The following ROS1 variants were observed in gnomAD, a reference collection of about 807,000 sequenced individuals.
The protein encoded by ROS1 is proto-oncogene tyrosine-protein kinase ROS.
A neutral mutation model predicts 273.5 loss-of-function variants in ROS1; 263 were observed. The observed-to-expected ratio is 0.96, with a 90% CI of 0.87 to 1.06. The LOEUF is 1.06. Among genes scored for constraint, ROS1 ranks in the 50% least tolerant of loss-of-function variants. ROS1 has a pLI of 0.00. For synonymous variants in ROS1, 1,008 were observed against 954.1 expected, an observed-to-expected ratio of 1.06 and a Z score of -1.04; for missense variants, 2,833 against 2,751.1, an observed-to-expected ratio of 1.03 and a Z score of -0.67.
intron 38 of ROS1, among the ~76,000 whole-genome samples, chr6:117,317,613 A>G (rs1057368884): frequency 2.6e-5 from 4 of 152,156 alleles, no homozygotes; most frequent in Admixed American, 2.0e-4. Flanking sequence ...TATGAAATAT[A>G]TCCTCTCCCT....
At position 117,332,438 on chromosome 6, in the gene ROS1, A is replaced by G. The variant is rs146337315; in HGVS notation, c.5231-2992T>C. On this transcript the variant is annotated intron_variant, in intron 32 of 43. Coordinates refer to ENST00000368507, the MANE Select transcript of ROS1 (RefSeq NM_001378902.1). ...ACTGCCAGTATTAGACAGATCAACA[A>G]GACAGAAAATTAACAAGGATATTCA... Among the ~76,000 whole-genome samples the G allele has an allele frequency of 3.9e-3, 588 of 152,332 alleles. 5 individuals are homozygous for G. Among genetic ancestry groups the G allele is most frequent in the Middle Eastern group, 0.027 (8 of 294 alleles).
chr6:117,298,174 TAG>T (rs1774400814), intron 43 of ROS1, among the ~76,000 whole-genome samples: 1 of 144,488 alleles, frequency 6.9e-6, no homozygotes, highest in South Asian at 2.2e-4. Context: ...TGTGTACACA[TAG>T]ACTAGAGTAT....
intron 4 of ROS1, among the ~76,000 whole-genome samples, chr6:117,409,872 C>T (rs189990554): frequency 6.6e-6 from 1 of 152,132 alleles, no homozygotes; most frequent in Non-Finnish European, 1.5e-5. Context: ...AAACTTTTGA[C>T]CATGCTCCAT....
At chr6:117,304,625 T>A (rs1452092763) in intron 42 of ROS1, among the ~76,000 whole-genome samples, 1 of 152,206 alleles carries the variant, frequency 6.6e-6, no homozygotes, top group Non-Finnish European at 1.5e-5. Context: ...AACTGAGACA[T>A]GAAACTATCC....
chr6:117,372,835 A>G lies in ROS1; in HGVS notation c.2582+6224T>C, dbSNP rs143505694. Among the ~76,000 whole-genome samples the G allele has an allele frequency of 2.0e-5, 3 of 152,322 alleles. 1 individual carries two copies. The highest frequency in any genetic ancestry group is 4.4e-5 in the Non-Finnish European group (3 of 68,012). ...AAGAACAAAGCTTCTACACTGTGGA[A>G]AAGGATCCATTCGGGTTGCCACAGC... On this transcript the variant is annotated intron_variant, in intron 18 of 43. Coordinates refer to ENST00000368507, the MANE Select transcript of ROS1 (RefSeq NM_001378902.1).
intron 27 of ROS1, among the ~76,000 whole-genome samples, chr6:117,345,007 A>G (rs1226467136): frequency 1.3e-5 from 2 of 152,236 alleles, no homozygotes; most frequent in Non-Finnish European, 2.9e-5. Flanking sequence ...AACATCACCT[A>G]AAAATGTAGC....
intron 17 of ROS1, among the ~76,000 whole-genome samples, chr6:117,381,832 A>C (rs991901091): frequency 6.6e-6 from 1 of 152,156 alleles, no homozygotes; most frequent in Admixed American, 6.6e-5. Flanking sequence ...ACTGTTTTCC[A>C]TAGAGGTTGT....
chr6:117,398,872 C>T (rs1203643531), intron 7 of ROS1, among the ~76,000 whole-genome samples: 1 of 151,318 alleles, frequency 6.6e-6, no homozygotes, highest in Non-Finnish European at 1.5e-5. Context: ...ACTCAGGAGG[C>T]TGAGGCAGGA....
At chr6:117,317,312 A>G (rs1775989894) in intron 38 of ROS1, 40 bp from the exon 39 acceptor site, 1 of 1,592,752 alleles carries the variant, frequency 6.3e-7, no homozygotes, top group African/African-American at 1.4e-5. Flanking sequence ...ATATGACAGA[A>G]GCAGGAGTCC....
At chr6:117,414,322 A>G (rs1775169213) in intron 4 of ROS1, among the ~76,000 whole-genome samples, 197 bp downstream of exon 4, 1 of 152,158 alleles carries the variant, frequency 6.6e-6, no homozygotes, top group Non-Finnish European at 1.5e-5. Flanking sequence ...ATGCACATAG[A>G]TACATAAAAC....
rs2243387 is a variant in ROS1, at chr6:117,310,300, T to TTAATAA, written c.6216-25_6216-20dup. 427 of 1,430,352 alleles carry TTAATAA rather than the reference T, an allele frequency of 3.0e-4. No homozygotes were observed. Among genetic ancestry groups the TTAATAA allele is most frequent in the Non-Finnish European group, 3.6e-4 (376 of 1,046,570 alleles). The allele number at this position is 1,430,352 out of a possible 1,614,324, so 88.6% of individuals were successfully genotyped here. ...CAGATCCCTGTGGCAGAAGTTATAT[T>TTAATAA]TAATAATAATAATAATAACAACAAT... is the stretch of plus-strand genomic sequence containing the variant. On this transcript the variant is annotated intron_variant, in intron 40 of 43. Coordinates refer to ENST00000368507, the MANE Select transcript of ROS1 (RefSeq NM_001378902.1).
intron 32 of ROS1, among the ~76,000 whole-genome samples, chr6:117,332,166 CA>C (rs199863437): frequency 0.073 from 5,867 of 80,712 alleles, 150 homozygotes; most frequent in African/African-American, 0.14. Flanking sequence ...ATATGGAAAG[CA>C]AAAAAAAAAA....
intron 39 of ROS1, 47 bp from the exon 40 acceptor site, chr6:117,311,164 G>T: frequency 9.2e-7 from 1 of 1,091,018 alleles, no homozygotes; most frequent in Non-Finnish European, 1.4e-6. Flanking sequence ...TAGTTTGCAT[G>T]AAATATATAC....
At chr6:117,365,253 A>G in intron 20 of ROS1, 49 bp from the exon 21 acceptor site, 3 of 1,501,650 alleles carry the variant, frequency 2.0e-6, no homozygotes, top group Non-Finnish European at 2.7e-6. Context: ...GAATTATAAA[A>G]TCTTTCATTC....
chr6:117,410,846 T>G (rs748382795), intron 4 of ROS1, among the ~76,000 whole-genome samples: 6 of 152,202 alleles, frequency 3.9e-5, no homozygotes, highest in Non-Finnish European at 8.8e-5. Context: ...AAGGATTAAT[T>G]TAAATACCTC....
In ROS1 at chr6:117,338,974, C is replaced by T. The variant is rs11961160; in HGVS notation, c.5062-1634G>A. ...TTTGCCTGAACAGCTGAGAAAAACA[C>T]AATTTTAATGGACTTCCGTGAAAAA... On this transcript the variant is annotated intron_variant, in intron 31 of 43. Transcript: ENST00000368507. Among the ~76,000 whole-genome samples, 1,446 of 152,190 alleles carry T rather than the reference C, an allele frequency of 9.5e-3. 25 individuals carry two copies. Among genetic ancestry groups the T allele is most frequent in the African/African-American group, 0.032 (1,332 of 41,548 alleles).
intron 34 of ROS1, 71 bp from the exon 35 acceptor site, chr6:117,324,486 A>G: frequency 1.4e-6 from 1 of 717,352 alleles, no homozygotes; most frequent in Non-Finnish European, 2.4e-6. Context: ...CTACCTAAGC[A>G]CACAGAGTAA....
Position 117,387,828 on chromosome 6 carries a change from T to C in ROS1, c.1951A>G (p.Arg651Gly). The C allele has an allele frequency of 6.2e-7, 1 of 1,614,162 alleles. No homozygotes were observed. The highest frequency in any genetic ancestry group is 8.5e-7 in the Non-Finnish European group (1 of 1,180,012). ...GAGGGCTCTGACCAGGGGCCTGGCC[T>C]CTTTGGAGAACTTGCTCTCACAGAA... ...KVSVRASSPKRPGPWSEPSVG... is the reference protein window; with the variant it reads ...KVSVRASSPKGPGPWSEPSVG... The change falls in exon 14 of 44, where the codon AGG becomes GGG. Residue 651 changes from arginine (R) to glycine (G), a missense_variant. Arg to Gly is a moderately radical substitution (Grantham distance 125). Transcript: ENST00000368507.
intron 36 of ROS1, among the ~76,000 whole-genome samples, chr6:117,320,354 T>C (rs1280784752): frequency 6.6e-6 from 1 of 152,144 alleles, no homozygotes; most frequent in Non-Finnish European, 1.5e-5. Context: ...CTTCTTCAGA[T>C]TGCCAATTTG....
Sources: allele counts gnomAD v4.1 joint callset (sites outside exome capture counted in the v4.1 genomes callset), GRCh38; gene constraint gnomAD v4.1.1; transcripts MANE v1.5; gene names NCBI Gene and HGNC (gene_info 2026-07-23, HGNC 2026-07-21).